EBF3: variants seen among roughly 807,000 people sequenced by gnomAD.
EBF3 encodes transcription factor COE3.
Under a neutral mutation model 77.1 loss-of-function variants are expected in EBF3, and 18 were observed. That is an observed-to-expected ratio of 0.23 (90% CI 0.16 to 0.35). EBF3 has a LOEUF of 0.35. Among genes scored for constraint, EBF3 ranks in the 10% least tolerant of loss-of-function variants. The pLI is 1.00. For synonymous variants in EBF3, 350 were observed against 343.5 expected (o/e 1.02, Z -0.21); for missense variants, 558 against 860.0 (o/e 0.65, Z 4.39).
rs551720058 is a variant in EBF3 at position 129,841,289 on chromosome 10, T to G, written c.1373-257A>C. On this transcript the variant is annotated intron_variant, in intron 13 of 16. Transcript: ENST00000440978. The surrounding 1 kb of genome is among the most constrained non-coding windows in gnomAD (Gnocchi z 4.6). ...CGCTTCGATCTCGCCGTCAGTGGCT[T>G]TCACGTTTCTCTTTAGAGGCAATTA... Among the ~76,000 whole-genome samples, 6 of 152,284 alleles carry G rather than the reference T, an allele frequency of 3.9e-5. No individual in the cohort carries two copies. In the East Asian group the frequency reaches 1.2e-3, roughly 29 times the overall value.
chr10:129,838,025 C>T (rs368219468), intron 16 of EBF3, 65 bp from the exon 17 acceptor site: 565 of 1,598,676 alleles, frequency 3.5e-4, no homozygotes, highest in Admixed American at 6.2e-4. Flanking sequence ...CCAACGCTGA[C>T]GCGGGCGGGG....
intron 6 of EBF3, among the ~76,000 whole-genome samples, chr10:129,915,156 T>C (rs1402651866): frequency 1.3e-5 from 2 of 152,086 alleles, no homozygotes; most frequent in Non-Finnish European, 2.9e-5. Context: ...GAGAAGAAAC[T>C]GGACATTCAC....
intron 5 of EBF3, 53 bp from the exon 6 acceptor site, chr10:129,957,379 C>T (rs946996439): frequency 1.3e-5 from 19 of 1,460,506 alleles, no homozygotes; most frequent in Admixed American, 4.5e-5. Flanking sequence ...CCTTTTATGC[C>T]CGACTTGTAT....
chr10:129,858,340 T>C (rs1250917485), intron 10 of EBF3, among the ~76,000 whole-genome samples: 2 of 152,352 alleles, frequency 1.3e-5, no homozygotes, highest in East Asian at 3.9e-4. Flanking sequence ...CACAGCCTGA[T>C]GCCAAGCATG....
At chr10:129,950,898 T>A (rs998845665) in intron 6 of EBF3, among the ~76,000 whole-genome samples, 1 of 152,210 alleles carries the variant, frequency 6.6e-6, no homozygotes, top group African/African-American at 2.4e-5. Flanking sequence ...TTAAGCTCCT[T>A]GAGTTTTCAC....
intron 7 of EBF3, among the ~76,000 whole-genome samples, chr10:129,877,226 C>T (rs1852848242): frequency 1.3e-5 from 2 of 152,078 alleles, no homozygotes; most frequent in African/African-American, 2.4e-5. Context: ...CACGGTGGCT[C>T]ACGCCTGTAA....
At chr10:129,910,170 C>A (rs910908563) in intron 6 of EBF3, among the ~76,000 whole-genome samples, 1 of 152,226 alleles carries the variant, frequency 6.6e-6, no homozygotes, top group Non-Finnish European at 1.5e-5. Flanking sequence ...CACCCCAGAG[C>A]TCTGCCCAAA....
chr10:129,857,838 A>C (rs1247258332), intron 10 of EBF3, among the ~76,000 whole-genome samples: 1 of 152,162 alleles, frequency 6.6e-6, no homozygotes, highest in African/African-American at 2.4e-5. Context: ...AGTATCACCT[A>C]CTGTGTCCAG....
intron 6 of EBF3, among the ~76,000 whole-genome samples, chr10:129,878,102 G>A (rs549563738): frequency 2.0e-5 from 3 of 152,248 alleles, no homozygotes; most frequent in Non-Finnish European, 2.9e-5. Flanking sequence ...TAATAGCTGC[G>A]ACTTTCGCAT....
intron 6 of EBF3, among the ~76,000 whole-genome samples, chr10:129,955,353 CA>C (rs1278360092): frequency 2.0e-5 from 3 of 152,076 alleles, no homozygotes; most frequent in Non-Finnish European, 4.4e-5. Context: ...GCATTTATGC[CA>C]GGCGTAAATG....
chr10:129,953,589 G>A (rs757467975), intron 6 of EBF3, among the ~76,000 whole-genome samples: 5 of 152,326 alleles, frequency 3.3e-5, no homozygotes, highest in South Asian at 4.1e-4. Flanking sequence ...CGAGTGGGAC[G>A]CCGGAGACGG....
At chr10:129,867,047 CT>C (rs1852069626) in intron 10 of EBF3, 93 bp downstream of exon 10, 1 of 1,465,096 alleles carries the variant, frequency 6.8e-7, no homozygotes, top group African/African-American at 1.4e-5. Flanking sequence ...GACCCCTGCC[CT>C]CTCTGTACAG....
rs375143852 is a variant in EBF3, at chr10:129,843,253, T to C, written c.1129-51A>G. The C allele has an allele frequency of 2.1e-5, 32 of 1,559,200 alleles. No individual in the cohort carries two copies. In the African/African-American group the frequency reaches 3.8e-4, roughly 19 times the overall value. On this transcript the variant is annotated intron_variant, in intron 11 of 16. Transcript: ENST00000440978. ...ATTCATGGGAGGAACCGGCCAGTTA[T>C]CACTGCCCTTCAGTACCAGTTCCGT...
rs1035141084 is a variant in EBF3 at position 129,861,980 on chromosome 10, G to C, written c.1039+5161C>G. ...GGACCGCCTCTCAATGCACACAAAA[G>C]ATCTTTAACACACTTAAGAACCATG... On this transcript the variant is annotated intron_variant, in intron 10 of 16. Coordinates refer to ENST00000440978, the MANE Select transcript of EBF3 (RefSeq NM_001375380.1). This position sits in a 1 kb window ranked among gnomAD's most constrained non-coding sequence, Gnocchi z 4.3. Among the ~76,000 whole-genome samples the C allele has an allele frequency of 3.3e-5, 5 of 152,146 alleles. No individual in the cohort carries two copies. Among genetic ancestry groups the C allele is most frequent in the African/African-American group, 1.2e-4 (5 of 41,436 alleles).
intron 6 of EBF3, among the ~76,000 whole-genome samples, chr10:129,940,912 C>T (rs1024327367): frequency 1.3e-4 from 20 of 152,188 alleles, no homozygotes; most frequent in Admixed American, 5.9e-4. Flanking sequence ...AGGACTGCAG[C>T]GTAAAACCAG....
chr10:129,952,738 G>A lies in EBF3; in HGVS notation c.554+4520C>T, dbSNP rs574069501. Among the ~76,000 whole-genome samples, 69 of 152,260 alleles carry A rather than the reference G, an allele frequency of 4.5e-4. No individual in the cohort carries two copies. The highest frequency in any genetic ancestry group is 2.3e-3 in the Admixed American group (35 of 15,296). On this transcript the variant is annotated intron_variant, in intron 6 of 16. Transcript: ENST00000440978. This position sits in a 1 kb window ranked among gnomAD's most constrained non-coding sequence, Gnocchi z 4.7. ...GATGTAAAGGGCTAGGGAATAACCC[G>A]GTGCTGTTTGTAAGGCTTGGTAATA...
chr10:129,871,814 T>C (rs891725604), intron 8 of EBF3, among the ~76,000 whole-genome samples: 1 of 152,208 alleles, frequency 6.6e-6, no homozygotes, highest in African/African-American at 2.4e-5. Flanking sequence ...GTCACCCTAT[T>C]GGCATTTTTA....
intron 6 of EBF3, among the ~76,000 whole-genome samples, chr10:129,882,596 A>G (rs764134376): frequency 6.6e-6 from 1 of 152,256 alleles, no homozygotes; most frequent in Non-Finnish European, 1.5e-5. Flanking sequence ...AGCATAGCTA[A>G]TTACAGCCCT....
chr10:129,910,211 C>T (rs1589837400), intron 6 of EBF3, among the ~76,000 whole-genome samples: 1 of 152,224 alleles, frequency 6.6e-6, no homozygotes, highest in South Asian at 2.1e-4. Context: ...TGAAGGGAAT[C>T]GGAGCCTTCA....
Sources: allele counts gnomAD v4.1 joint callset (sites outside exome capture counted in the v4.1 genomes callset), GRCh38; gene constraint gnomAD v4.1.1; non-coding constraint Gnocchi (gnomAD v3.1); transcripts MANE v1.5; gene names NCBI Gene and HGNC (gene_info 2026-07-23, HGNC 2026-07-21).